CNKSR3: variants seen among roughly 807,000 people sequenced by gnomAD.
CNKSR3 encodes connector enhancer of kinase suppressor of ras 3.
Under a neutral mutation model 67.7 loss-of-function variants are expected in CNKSR3, and 36 were observed. That is an observed-to-expected ratio of 0.53 (90% CI 0.41 to 0.70). CNKSR3 has a LOEUF of 0.70. Among genes scored for constraint, CNKSR3 ranks in the 30% least tolerant of loss-of-function variants. The pLI is 0.00. For synonymous variants in CNKSR3, 281 were observed against 271.4 expected (o/e 1.04, Z -0.35); for missense variants, 630 against 695.2 (o/e 0.91, Z 1.05).
rs533840338 is a variant in CNKSR3, at chr6:154,509,514, T to TTTTGCGCGGTTGGTG, written c.52+548_52+549insCACCAACCGCGCAAA. Among the ~76,000 whole-genome samples, 1,219 of 152,256 alleles carry TTTTGCGCGGTTGGTG rather than the reference T, an allele frequency of 8.0e-3. 40 individuals are homozygous for TTTTGCGCGGTTGGTG. Among genetic ancestry groups the TTTTGCGCGGTTGGTG allele is most frequent in the East Asian group, 0.038 (198 of 5,166 alleles). On this transcript the variant is annotated intron_variant, in intron 1 of 12. Transcript: ENST00000607772. ...CGAGGTTTCTCCCTGGCGCAAATGC[T>TTTTGCGCGGTTGGTG]ATGGTGTTGGCTTTTGCGCGGCCCT...
chr6:154,421,751 G>T (rs919501280), intron 9 of CNKSR3, among the ~76,000 whole-genome samples: 4 of 152,172 alleles, frequency 2.6e-5, no homozygotes, highest in African/African-American at 9.7e-5. Flanking sequence ...CTGGTAAAGC[G>T]CTGCTGATGA....
At chr6:154,433,622 G>A (rs952464670) in intron 4 of CNKSR3, 115 bp from the exon 5 acceptor site, 14 of 750,410 alleles carry the variant, frequency 1.9e-5, no homozygotes, top group Non-Finnish European at 2.8e-5. Context: ...TGACACACCC[G>A]TCAGCCTGCA....
chr6:154,411,293 T>A, intron 10 of CNKSR3, 151 bp from the exon 11 acceptor site: 1 of 614,192 alleles, frequency 1.6e-6, no homozygotes, highest in South Asian at 2.1e-5. Flanking sequence ...CAACCCCAGT[T>A]GCCGCTCAAA....
At chr6:154,419,806 A>G (rs780700232) in intron 9 of CNKSR3, among the ~76,000 whole-genome samples, 14 of 152,130 alleles carry the variant, frequency 9.2e-5, no homozygotes, top group Non-Finnish European at 1.9e-4. Flanking sequence ...CTCGTGGGGC[A>G]TGGTGGCTCA....
chr6:154,472,332 A>G (rs1786347097), intron 1 of CNKSR3, among the ~76,000 whole-genome samples: 1 of 152,242 alleles, frequency 6.6e-6, no homozygotes, highest in Admixed American at 6.5e-5. Flanking sequence ...GTCATCATCC[A>G]AGCTTAATAA....
At chr6:154,429,510 T>C (rs1319303380) in intron 6 of CNKSR3, among the ~76,000 whole-genome samples, 3 of 152,202 alleles carry the variant, frequency 2.0e-5, no homozygotes, top group African/African-American at 7.2e-5. Flanking sequence ...ACTATAAACC[T>C]ACCTCCAGGA....
intron 7 of CNKSR3, among the ~76,000 whole-genome samples, chr6:154,424,723 G>A (rs1785220550): frequency 6.6e-6 from 1 of 151,266 alleles, no homozygotes; most frequent in South Asian, 2.1e-4. Context: ...TCACCTGAGA[G>A]ACCAGCCCAT....
intron 12 of CNKSR3, among the ~76,000 whole-genome samples, chr6:154,409,881 C>CAA (rs56081008): frequency 0.042 from 5,361 of 126,586 alleles, 393 homozygotes; most frequent in African/African-American, 0.15. Context: ...CTGTCTCTAC[C>CAA]AAAAAAAAAA....
intron 1 of CNKSR3, among the ~76,000 whole-genome samples, chr6:154,501,684 C>T (rs1012826420): frequency 1.3e-5 from 2 of 152,168 alleles, no homozygotes; most frequent in South Asian, 2.1e-4. Context: ...GAGTCCCCCA[C>T]CCAGTCCCTC....
At chr6:154,475,301 C>CTCG (rs144809588) in intron 1 of CNKSR3, among the ~76,000 whole-genome samples, 33 of 152,278 alleles carry the variant, frequency 2.2e-4, no homozygotes, top group African/African-American at 7.7e-4. Flanking sequence ...CCTTCTCCAC[C>CTCG]TCGTCCCTCC....
chr6:154,501,993 T>G (rs1787007428), intron 1 of CNKSR3, among the ~76,000 whole-genome samples: 1 of 152,088 alleles, frequency 6.6e-6, no homozygotes, highest in East Asian at 1.9e-4. Flanking sequence ...ACATGAAGGG[T>G]GACAATCAGC....
At chr6:154,439,936 G>C (rs2128717284) in intron 4 of CNKSR3, among the ~76,000 whole-genome samples, 1 of 152,288 alleles carries the variant, frequency 6.6e-6, no homozygotes, top group African/African-American at 2.4e-5. Context: ...ATTACGGGAA[G>C]AGGGAAGCAA....
At position 154,393,280 on chromosome 6, in the gene CNKSR3, A is replaced by C. The variant is rs1450317867; in HGVS notation, c.*13074T>G. The C allele has an allele frequency of 6.6e-6, 1 of 152,148 alleles. No individual in the cohort carries two copies. Among genetic ancestry groups the C allele is most frequent in the African/African-American group, 2.4e-5 (1 of 41,440 alleles). The allele number at this position is 152,148 out of a possible 1,614,324, so 9.4% of individuals were successfully genotyped here. On this transcript the variant is annotated 3_prime_UTR_variant, in exon 13 of 13. Coordinates refer to ENST00000607772, the MANE Select transcript of CNKSR3 (RefSeq NM_173515.4). ...AACTGCTGAGTCATAGGGTATGTGA[A>C]TACTCACTGCTAATTTAACCTCATA...
chr6:154,473,826 C>A (rs1289858882), intron 1 of CNKSR3, among the ~76,000 whole-genome samples: 3 of 151,880 alleles, frequency 2.0e-5, no homozygotes, highest in Non-Finnish European at 4.4e-5. Context: ...TGGTCTGTCA[C>A]CAGGCTGGAG....
intron 1 of CNKSR3, among the ~76,000 whole-genome samples, chr6:154,465,750 T>C (rs190486416): frequency 2.4e-4 from 37 of 152,312 alleles, no homozygotes; most frequent in Admixed American, 8.5e-4. Context: ...CATGGCCATG[T>C]AGATATAAAT....
At chr6:154,463,255 G>A (rs2128721203) in intron 1 of CNKSR3, among the ~76,000 whole-genome samples, 2 of 151,916 alleles carry the variant, frequency 1.3e-5, no homozygotes, top group Middle Eastern at 6.8e-3. Flanking sequence ...ATTTTTAGTA[G>A]AGACAGGTTT....
At chr6:154,466,905 G>A (rs1786214442) in intron 1 of CNKSR3, among the ~76,000 whole-genome samples, 1 of 151,852 alleles carries the variant, frequency 6.6e-6, no homozygotes, top group Admixed American at 6.6e-5. Flanking sequence ...GATTAGAGGA[G>A]TGAGCTCAGC....
intron 1 of CNKSR3, among the ~76,000 whole-genome samples, chr6:154,455,307 C>CA (rs2128719948): frequency 6.6e-6 from 1 of 151,210 alleles, no homozygotes; most frequent in African/African-American, 2.4e-5. Flanking sequence ...TCTCAAAAAA[C>CA]CAAAAAAAAA....
At chr6:154,475,005 C>T (rs1302309454) in intron 1 of CNKSR3, among the ~76,000 whole-genome samples, 7 of 152,178 alleles carry the variant, frequency 4.6e-5, no homozygotes, top group African/African-American at 7.2e-5. Context: ...TGAGCATATA[C>T]TATGTTTACA....
Sources: allele counts gnomAD v4.1 joint callset (sites outside exome capture counted in the v4.1 genomes callset), GRCh38; gene constraint gnomAD v4.1.1; transcripts MANE v1.5; gene names NCBI Gene and HGNC (gene_info 2026-07-23, HGNC 2026-07-21).